NRG1: variants seen among roughly 807,000 people sequenced by gnomAD.
NRG1 encodes neuregulin 1.
NRG1 carries 18 observed loss-of-function variants against 63.8 expected under a neutral mutation model. That is an observed-to-expected ratio of 0.28 (90% CI 0.19 to 0.42). NRG1 has a LOEUF of 0.42. Among genes scored for constraint, NRG1 ranks in the 10% least tolerant of loss-of-function variants. The probability of loss-of-function intolerance (pLI) is 1.00; values close to 1 mark genes in which losing one functional copy is unlikely to be tolerated. For synonymous variants in NRG1, 302 were observed against 301.3 expected, an observed-to-expected ratio of 1.00 and a Z score of -0.02; for missense variants, 762 against 814.7, an observed-to-expected ratio of 0.94 and a Z score of 0.79.
intron 1 of NRG1, among the ~76,000 whole-genome samples, chr8:31,670,974 T>A (rs565104307): frequency 1.6e-4 from 25 of 152,274 alleles, no homozygotes; most frequent in African/African-American, 5.3e-4. Context: ...AATCCACAAA[T>A]AGGTCCCAGT....
chr8:31,661,336 G>A (rs772609305), intron 1 of NRG1, among the ~76,000 whole-genome samples: 1 of 152,098 alleles, frequency 6.6e-6, no homozygotes, highest in Non-Finnish European at 1.5e-5. Flanking sequence ...AGCTTATGAA[G>A]GTCTGGTCCT....
chr8:32,172,461 A>C (rs1840179522), intron 1 of NRG1, among the ~76,000 whole-genome samples: 3 of 152,252 alleles, frequency 2.0e-5, no homozygotes, highest in African/African-American at 7.2e-5. Context: ...AAAGGAATGC[A>C]GCTCCTTACC....
intron 5 of NRG1, chr8:32,647,964 G>A (rs2129546893): frequency 6.2e-7 from 1 of 1,614,134 alleles, no homozygotes; most frequent in African/African-American, 1.3e-5. Context: ...CCCCATCCTG[G>A]CTTGCCTGGT....
chr8:32,274,654 C>A (rs1304745312), intron 1 of NRG1, among the ~76,000 whole-genome samples: 3 of 152,146 alleles, frequency 2.0e-5, no homozygotes, highest in Non-Finnish European at 4.4e-5. Flanking sequence ...TCATCTTTTT[C>A]TAGCCACCTG....
chr8:32,735,912 G>A (rs1824929291), intron 6 of NRG1, among the ~76,000 whole-genome samples: 1 of 151,880 alleles, frequency 6.6e-6, no homozygotes, highest in African/African-American at 2.4e-5. Flanking sequence ...GGTTTGGTTT[G>A]GTTTTGTTTT....
chr8:31,818,784 G>A (rs897608451), intron 1 of NRG1, among the ~76,000 whole-genome samples: 33 of 152,120 alleles, frequency 2.2e-4, no homozygotes, highest in African/African-American at 8.0e-4. Context: ...TAGGCTGGGC[G>A]CGGTGGCTCA....
rs577370510 is a variant in NRG1 at position 32,096,716 on chromosome 8, T to G, written c.37+457285T>G. ...AGGAGGAAACTAGCAGAGGAAGAACTCACTCTTAGTTTCTGCAAGAGGAAT... is the reference window on the plus strand; with the variant it reads ...AGGAGGAAACTAGCAGAGGAAGAACGCACTCTTAGTTTCTGCAAGAGGAAT... On this transcript the variant is annotated intron_variant, in intron 1 of 10. Transcript: ENST00000519301. Among the ~76,000 whole-genome samples, 3 of 152,270 alleles carry G rather than the reference T, an allele frequency of 2.0e-5. No individual in the cohort carries two copies. The South Asian group carries it at 6.2e-4, about 32-fold the overall frequency.
chr8:31,682,384 T>C (rs1808425085), intron 1 of NRG1, among the ~76,000 whole-genome samples: 2 of 152,134 alleles, frequency 1.3e-5, no homozygotes, highest in African/African-American at 2.4e-5. Flanking sequence ...TTGTTATTAA[T>C]TGGGGGGAGA....
rs560942104 is a variant in NRG1, at chr8:31,876,066, C to CAAACAAAG, written c.37+236637_37+236638insACAAAGAA. On this transcript the variant is annotated intron_variant, in intron 1 of 10. Transcript: ENST00000519301. ...ACAAACAAACAAACAAACAAACAAA[C>CAAACAAAG]AATTGGAAGAAATGAATTGATCACA... Among the ~76,000 whole-genome samples, 1,321 of 149,216 alleles carry CAAACAAAG rather than the reference C, an allele frequency of 8.9e-3. 19 individuals are homozygous for CAAACAAAG. Among genetic ancestry groups the CAAACAAAG allele is most frequent in the Non-Finnish European group, 0.012 (777 of 67,490 alleles).
chr8:32,031,856 T>C (rs1818302748), intron 1 of NRG1, among the ~76,000 whole-genome samples: 1 of 152,186 alleles, frequency 6.6e-6, no homozygotes, highest in African/African-American at 2.4e-5. Context: ...TTATCCAGCC[T>C]ATCATTGATG....
At chr8:32,118,052 C>G (rs1238555583) in intron 1 of NRG1, among the ~76,000 whole-genome samples, 3 of 152,080 alleles carry the variant, frequency 2.0e-5, no homozygotes, top group Admixed American at 2.0e-4. Context: ...GAATTGTTAC[C>G]TCTCCTTTCC....
intron 1 of NRG1, among the ~76,000 whole-genome samples, chr8:32,198,299 T>C (rs547737287): frequency 6.6e-6 from 1 of 152,276 alleles, no homozygotes; most frequent in Non-Finnish European, 1.5e-5. Flanking sequence ...TGCCTCAGCC[T>C]CTCGAGTAGC....
intron 1 of NRG1, among the ~76,000 whole-genome samples, chr8:32,013,347 T>C (rs1053979603): frequency 2.6e-5 from 4 of 151,774 alleles, no homozygotes; most frequent in African/African-American, 9.7e-5. Flanking sequence ...ACCCACTGGG[T>C]AAAGGGAGAC....
intron 1 of NRG1, among the ~76,000 whole-genome samples, chr8:32,396,469 A>G (rs907040922): frequency 2.0e-5 from 3 of 152,128 alleles, no homozygotes; most frequent in Non-Finnish European, 4.4e-5. Context: ...TTATTTAGAG[A>G]TGGAGTTTTG....
chr8:31,864,433 C>T (rs527348489), intron 1 of NRG1, among the ~76,000 whole-genome samples: 1 of 152,256 alleles, frequency 6.6e-6, no homozygotes, highest in South Asian at 2.1e-4. Context: ...GTCAGGAAGC[C>T]TTTCCTCCAA....
intron 1 of NRG1, among the ~76,000 whole-genome samples, chr8:32,468,518 C>T (rs1004471945): frequency 2.0e-5 from 3 of 152,180 alleles, no homozygotes; most frequent in Non-Finnish European, 4.4e-5. Flanking sequence ...TAGGTTAGCA[C>T]AACTTTTCAC....
intron 1 of NRG1, among the ~76,000 whole-genome samples, chr8:31,747,913 A>C (rs539350431): frequency 9.9e-4 from 150 of 152,028 alleles, no homozygotes; most frequent in African/African-American, 3.2e-3. Flanking sequence ...TTTTAGTCTG[A>C]AGGCTGAATG....
intron 1 of NRG1, among the ~76,000 whole-genome samples, chr8:32,174,975 A>G (rs575049930): frequency 2.6e-5 from 4 of 152,224 alleles, no homozygotes; most frequent in Middle Eastern, 3.2e-3. Context: ...TCCCTAACTC[A>G]TTTTATGAGG....
intron 6 of NRG1, among the ~76,000 whole-genome samples, chr8:32,732,181 A>C (rs768596239): frequency 1.4e-4 from 22 of 152,264 alleles, no homozygotes; most frequent in Non-Finnish European, 3.1e-4. Flanking sequence ...CTCTACAGTA[A>C]TTTAAAATTT....
Sources: allele counts gnomAD v4.1 joint callset (sites outside exome capture counted in the v4.1 genomes callset), GRCh38; gene constraint gnomAD v4.1.1; transcripts MANE v1.5; gene names NCBI Gene and HGNC (gene_info 2026-07-23, HGNC 2026-07-21).